The following SPON2 variants were observed in gnomAD, a reference collection of about 807,000 sequenced individuals.
The protein encoded by SPON2 is spondin-2.
A neutral mutation model predicts 29.9 loss-of-function variants in SPON2; 32 were observed. The observed-to-expected ratio is 1.07, with a 90% CI of 0.81 to 1.44. The LOEUF (loss-of-function observed/expected upper bound fraction) is 1.44. Ranked by LOEUF, SPON2 falls within the 40% of genes most tolerant of loss-of-function variation. The pLI, the probability that SPON2 is intolerant of heterozygous loss-of-function variation, is 0.00. For missense variants in SPON2, 541 were observed against 455.5 expected, an observed-to-expected ratio of 1.19 and a Z score of -1.71; for synonymous variants, 248 against 209.1, an observed-to-expected ratio of 1.19 and a Z score of -1.61.
At chr4:1,178,876 G>C (rs538118035) in intron 2 of SPON2, among the ~76,000 whole-genome samples, 103 of 152,194 alleles carry the variant, frequency 6.8e-4, no homozygotes, top group Non-Finnish European at 1.1e-3. Context: ...GTGGCAGCTG[G>C]TCCCCCCTGT....
intron 1 of SPON2, among the ~76,000 whole-genome samples, chr4:1,194,601 G>T (rs1560210299): frequency 6.6e-6 from 1 of 152,166 alleles, no homozygotes; most frequent in Admixed American, 6.5e-5. Flanking sequence ...CTGCGCCGGA[G>T]GCCCCGGGAA....
upstream of SPON2, chr4:1,172,874 C>T: frequency 1.2e-5 from 1 of 80,690 alleles, no homozygotes; most frequent in African/African-American, 4.6e-5. Context: ...CCTCCCTGTC[C>T]CCTCCCTTCC....
chr4:1,170,474 T>C lies in SPON2; in HGVS notation c.739A>G (p.Ser247Gly). ...GCGGGAGGGATGAAGGCCCTGGGGC[T>C]CTGTCGCAGCCGCACCAGTGTCACC... ...ARVTLVRLRQSPRAFIPPAPV... is the reference protein window; with the variant it reads ...ARVTLVRLRQGPRAFIPPAPV... The change falls in exon 5 of 6, where the codon AGC (serine) becomes GGC (glycine). Residue 247 changes from serine to glycine, a missense_variant. By Grantham distance (56) the Ser-to-Gly change is moderately conservative. Transcript: ENST00000290902. 3 of 1,614,014 alleles carry C rather than the reference T, an allele frequency of 1.9e-6. No homozygotes were observed. In the East Asian group the frequency reaches 6.7e-5, roughly 36 times the overall value.
chr4:1,193,791 G>GGGGGGTGGCGTGGGAAGGACGT, intron 1 of SPON2, among the ~76,000 whole-genome samples: 2 of 6,598 alleles, frequency 3.0e-4, no homozygotes, highest in African/African-American at 1.2e-3. Flanking sequence ...GGAAGGACGT[G>GGGGGGTGGCGTGGGAAGGACGT]GGGGGGTGGC....
At chr4:1,206,421 C>T (rs957570141) in intron 1 of SPON2, among the ~76,000 whole-genome samples, 5 of 152,234 alleles carry the variant, frequency 3.3e-5, no homozygotes, top group African/African-American at 7.2e-5. Flanking sequence ...AGGGGGAGGC[C>T]GGCAGCCCAG....
intron 1 of SPON2, among the ~76,000 whole-genome samples, chr4:1,188,084 G>T (rs1727838321): frequency 6.6e-6 from 1 of 150,892 alleles, no homozygotes; most frequent in African/African-American, 2.4e-5. Flanking sequence ...GGTGGCGGGT[G>T]CCTGTAATCC....
At chr4:1,174,442 G>A (rs1577900431), upstream of SPON2, among the ~76,000 whole-genome samples, 2 of 146,634 alleles carry the variant, frequency 1.4e-5, no homozygotes, top group Non-Finnish European at 1.5e-5. Flanking sequence ...AGCCAAGATC[G>A]CGCCACTGCA....
intron 5 of SPON2, chr4:1,170,072 C>T: frequency 6.9e-6 from 2 of 289,644 alleles, no homozygotes; most frequent in Non-Finnish European, 1.3e-5. Context: ...CAGGGCCATC[C>T]TAGCAAGCTT....
At chr4:1,200,307 C>T (rs1300010111) in intron 1 of SPON2, among the ~76,000 whole-genome samples, 1 of 151,928 alleles carries the variant, frequency 6.6e-6, no homozygotes, top group Non-Finnish European at 1.5e-5. Flanking sequence ...GTTGAGAAGG[C>T]GTCCAGCCTG....
chr4:1,167,776 C>T, intron 5 of SPON2, 120 bp from the exon 6 acceptor site: 2 of 1,117,802 alleles, frequency 1.8e-6, no homozygotes, highest in Non-Finnish European at 1.2e-6. Flanking sequence ...CCTTCGGGGG[C>T]ACTTGCGTTT....
At chr4:1,194,463 A>G (rs1727994569) in intron 1 of SPON2, among the ~76,000 whole-genome samples, 3 of 151,684 alleles carry the variant, frequency 2.0e-5, no homozygotes, top group African/African-American at 7.3e-5. Context: ...CTGCAGGGGG[A>G]GTGGGAAGAA....
In SPON2 at chr4:1,171,365, C is replaced by A. The variant is rs1412831188; in HGVS notation, c.342G>T (p.Gly114=). ...CCGCGTGCACGCTCTGCAGCGCCTC[C>A]CCCGCCGCCTCGATCTCCTTCATCA... is the stretch of plus-strand genomic sequence containing the variant. ...WALMKEIEAA[G]EALQSVHAVF... The change falls in exon 3 of 6, where the codon GGG becomes GGT. Residue 114 remains glycine, a synonymous_variant. Transcript: ENST00000290902. The A allele has an allele frequency of 6.2e-7, 1 of 1,611,578 alleles. No individual in the cohort carries two copies. The highest frequency in any genetic ancestry group is 1.3e-5 in the African/African-American group (1 of 74,898).
rs148264282 is a variant in SPON2 at position 1,184,448 on chromosome 4, G to A, written c.-238-4907C>T. 9.9e-5 allele frequency among the ~76,000 whole-genome samples: 15 copies of A among 152,194 alleles called. No homozygotes were observed. The East Asian group carries it at 2.5e-3, about 25-fold the overall frequency. The stretch of plus-strand genomic sequence containing the variant: ...AAGGGATTCCAAGCAAACCAAAACC[G>A]AAAGAGAGCAGCAGAAAAAACCACT... On this transcript the variant is annotated intron_variant, in intron 1 of 3. Coordinates refer to the SPON2 transcript ENST00000502483.
intron 1 of SPON2, among the ~76,000 whole-genome samples, chr4:1,191,272 C>T (rs989102833): frequency 4.6e-5 from 7 of 152,022 alleles, no homozygotes; most frequent in Non-Finnish European, 1.0e-4. Context: ...GGTATAGAGA[C>T]AATGGAACAG....
intron 4 of SPON2, 70 bp downstream of exon 4, chr4:1,170,929 A>G: frequency 1.3e-6 from 2 of 1,529,604 alleles, no homozygotes; most frequent in Non-Finnish European, 1.8e-6. Flanking sequence ...GCGAGGGTGC[A>G]GCCAGGCCCC....
chr4:1,175,373 C>T (rs553052576), upstream of SPON2, among the ~76,000 whole-genome samples: 13 of 152,360 alleles, frequency 8.5e-5, no homozygotes, highest in African/African-American at 2.9e-4. Flanking sequence ...AAGGAGGCTG[C>T]GGAACAGCCC....
chr4:1,169,553 C>T (rs1238170965), intron 5 of SPON2, among the ~76,000 whole-genome samples: 2 of 152,174 alleles, frequency 1.3e-5, no homozygotes, highest in Non-Finnish European at 2.9e-5. Context: ...ATTACTGCTG[C>T]TCCTCAAGAC....
chr4:1,175,205 C>G (rs761420407), upstream of SPON2, among the ~76,000 whole-genome samples: 1 of 152,264 alleles, frequency 6.6e-6, no homozygotes, highest in Non-Finnish European at 1.5e-5. Flanking sequence ...GCTACTGGCT[C>G]TGGGTCTGAG....
intron 1 of SPON2, among the ~76,000 whole-genome samples, chr4:1,203,440 T>G (rs1343111614): frequency 6.6e-6 from 1 of 152,178 alleles, no homozygotes; most frequent in African/African-American, 2.4e-5. Context: ...AGAGCTTCAT[T>G]CCTTTTTACG....
Sources: gnomAD v4.1 joint callset for allele counts (sites outside exome capture counted in the v4.1 genomes callset) on GRCh38, gnomAD v4.1.1 for gene constraint, MANE v1.5 for transcripts, NCBI Gene and HGNC (gene_info 2026-07-23, HGNC 2026-07-21) for gene names.